The following TRPC4 variants were observed in gnomAD, a reference collection of about 807,000 sequenced individuals.
TRPC4 encodes short transient receptor potential channel 4.
TRPC4 carries 49 observed loss-of-function variants against 99.4 expected under a neutral mutation model. That is an observed-to-expected ratio of 0.49 (90% confidence interval 0.39 to 0.63). TRPC4 has a LOEUF of 0.63. Among genes scored for constraint, TRPC4 ranks in the 20% least tolerant of loss-of-function variants. The probability of loss-of-function intolerance (pLI) is 0.00; values close to 1 mark genes in which losing one functional copy is unlikely to be tolerated. For missense variants in TRPC4, 898 were observed against 1,152.9 expected, an observed-to-expected ratio of 0.78 and a Z score of 3.20; for synonymous variants, 454 against 425.9, an observed-to-expected ratio of 1.07 and a Z score of -0.81.
At position 37,637,013 on chromosome 13, in the gene TRPC4, G is replaced by C. The variant is rs1371435993; in HGVS notation, c.2824C>G (p.Pro942Ala). ...SEKVVVEDTV[P>A]IIPKEKHAKE... ...GCATGTTTCTCCTTTGGTATTATAGGAACCGTGTCCTCCACCACCACCTTC... is the reference window on the plus strand; with the variant it reads ...GCATGTTTCTCCTTTGGTATTATAGCAACCGTGTCCTCCACCACCACCTTC... Residue 942 changes from proline (P) to alanine (A), a missense_variant, in exon 11 of 11, where the codon CCT (proline) becomes GCT (alanine). Transcript: ENST00000379705. 1 of 1,613,598 alleles carries C rather than the reference G, an allele frequency of 6.2e-7. No individual in the cohort carries two copies.
chr13:37,655,581 G>T (rs963385624), intron 6 of TRPC4, among the ~76,000 whole-genome samples: 18 of 151,866 alleles, frequency 1.2e-4, no homozygotes, highest in African/African-American at 3.4e-4. Flanking sequence ...ACTGAGTTAA[G>T]AATGGTTTTC....
intron 1 of TRPC4, among the ~76,000 whole-genome samples, chr13:37,818,488 AG>A (rs1957926028): frequency 6.6e-6 from 1 of 152,168 alleles, no homozygotes; most frequent in Non-Finnish European, 1.5e-5. Context: ...ACTACTATAA[AG>A]ATACATGCAC....
intron 1 of TRPC4, among the ~76,000 whole-genome samples, chr13:37,785,721 T>A (rs1956953805): frequency 6.6e-6 from 1 of 152,078 alleles, no homozygotes; most frequent in South Asian, 2.1e-4. Context: ...GTTAATTTTA[T>A]TAATAATACT....
At chr13:37,669,564 C>T (rs1007088000) in intron 5 of TRPC4, among the ~76,000 whole-genome samples, 3 of 152,146 alleles carry the variant, frequency 2.0e-5, no homozygotes, top group African/African-American at 7.2e-5. Context: ...TTTTTATGCT[C>T]TGTCTTTGCA....
intron 6 of TRPC4, among the ~76,000 whole-genome samples, chr13:37,658,354 C>T (rs1335560480): frequency 6.6e-6 from 1 of 152,170 alleles, no homozygotes; most frequent in Non-Finnish European, 1.5e-5. Flanking sequence ...TATTGCTCAA[C>T]ATATGCTTTA....
intron 7 of TRPC4, among the ~76,000 whole-genome samples, chr13:37,652,316 C>T (rs925734033): frequency 2.6e-5 from 4 of 152,174 alleles, no homozygotes; most frequent in Non-Finnish European, 5.9e-5. Context: ...ATCATAAACA[C>T]GAACTCATAT....
chr13:37,749,471 G>A (rs188413966), intron 2 of TRPC4, among the ~76,000 whole-genome samples: 15 of 152,234 alleles, frequency 9.9e-5, no homozygotes, highest in East Asian at 7.8e-4. Flanking sequence ...GCTGGACTCC[G>A]TGGGGGACTC....
Position 37,855,337 on chromosome 13 carries a change from G to GATATATATATATATATATATATATAT in TRPC4, c.-28+14257_-28+14258insATATATATATATATATATATATATAT, listed in dbSNP as rs59525799. Reference sequence around the variant, plus strand: ...TACACATGTAGATATATACAATGTAGATATATATATATATATATATGCACC... The same window carrying GATATATATATATATATATATATATAT: ...TACACATGTAGATATATACAATGTAGATATATATATATATATATATATATATATATATATATATATATATATGCACC... On this transcript the variant is annotated intron_variant, in intron 1 of 10. Coordinates refer to ENST00000379705, the MANE Select transcript of TRPC4 (RefSeq NM_016179.4). 2.0e-3 allele frequency among the ~76,000 whole-genome samples: 270 copies of GATATATATATATATATATATATATAT among 136,402 alleles called. 2 individuals carry two copies. The highest frequency in any genetic ancestry group is 5.0e-3 in the African/African-American group (178 of 35,366). The allele number at this position is 136,402 out of a possible 152,430, so 89.5% of individuals were successfully genotyped here. A position where few individuals can be genotyped will look rare whatever the true frequency, so the allele number is the denominator to read the frequency against.
rs184588322 is a variant in TRPC4 at position 37,700,640 on chromosome 13, A to C, written c.898-8305T>G. 2.7e-3 allele frequency among the ~76,000 whole-genome samples: 412 copies of C among 152,338 alleles called. 4 individuals are homozygous for C. The highest frequency in any genetic ancestry group is 9.5e-3 in the African/African-American group (393 of 41,582). ...ATCAAGACCTATAGTTTTAGAAAAA[A>C]TTAAATTGTTCCAGACCTTAGAAAA... On this transcript the variant is annotated intron_variant, in intron 3 of 10. Coordinates refer to ENST00000379705, the MANE Select transcript of TRPC4 (RefSeq NM_016179.4).
chr13:37,746,605 C>G, intron 2 of TRPC4, 150 bp from the exon 3 acceptor site: 1 of 792,898 alleles, frequency 1.3e-6, no homozygotes, highest in Non-Finnish European at 1.8e-6. Context: ...GTCTTTTCCC[C>G]TACAAAAAGA....
chr13:37,637,158 T>C lies in TRPC4; in HGVS notation c.2679A>G (p.Ser893=), dbSNP rs559888954. 6.2e-7 allele frequency: 1 copy of C among 1,613,834 alleles called. No individual in the cohort carries two copies. Among genetic ancestry groups the C allele is most frequent in the South Asian group, 1.1e-5 (1 of 91,074 alleles). The change falls in exon 11 of 11, where the codon TCA becomes TCG. Residue 893 remains serine, a synonymous_variant. Coordinates refer to ENST00000379705, the MANE Select transcript of TRPC4 (RefSeq NM_016179.4). ...NIQLESRGLA[S]RGDLSIPGLS... The stretch of plus-strand genomic sequence containing the variant: ...GACCGGGAATGCTCAGGTCACCCCG[T>C]GAAGCTAATCCTCGAGATTCCAGTT...
At chr13:37,694,554 C>T (rs2138893506) in intron 3 of TRPC4, among the ~76,000 whole-genome samples, 1 of 152,066 alleles carries the variant, frequency 6.6e-6, no homozygotes, top group African/African-American at 2.4e-5. Flanking sequence ...GTAAAATTAC[C>T]TAAAAAAAAG....
At chr13:37,783,673 G>A (rs6563570) in intron 1 of TRPC4, among the ~76,000 whole-genome samples, 79,025 of 151,756 alleles carry the variant, frequency 0.52, 21,099 homozygotes, top group East Asian at 0.78. Context: ...AAAGTTTATC[G>A]TAATTATATA....
chr13:37,861,456 C>T (rs9594236), intron 1 of TRPC4, among the ~76,000 whole-genome samples: 8,687 of 151,602 alleles, frequency 0.057, 791 homozygotes, highest in African/African-American at 0.2. Context: ...GCAAGTTCTG[C>T]TTTAAGTTCT....
intron 2 of TRPC4, among the ~76,000 whole-genome samples, chr13:37,765,784 T>C (rs1956348165): frequency 6.6e-6 from 1 of 151,514 alleles, no homozygotes; most frequent in African/African-American, 2.4e-5. Flanking sequence ...TATTGTCTTT[T>C]GCTGATTTAT....
chr13:37,834,495 A>C (rs947748970), intron 1 of TRPC4, among the ~76,000 whole-genome samples: 2 of 152,156 alleles, frequency 1.3e-5, no homozygotes, highest in Admixed American at 6.5e-5. Flanking sequence ...TTTTCTATGA[A>C]CTCTAAACCA....
At chr13:37,768,668 ACACG>A (rs67330872) in intron 2 of TRPC4, among the ~76,000 whole-genome samples, 2,719 of 112,114 alleles carry the variant, frequency 0.024, 42 homozygotes, top group Middle Eastern at 0.042. Context: ...ATACGAACAC[ACACG>A]CACACACACA....
At chr13:37,763,628 A>G (rs563413024) in intron 2 of TRPC4, among the ~76,000 whole-genome samples, 7 of 151,798 alleles carry the variant, frequency 4.6e-5, no homozygotes, top group East Asian at 1.9e-4. Context: ...CCACCTGAGT[A>G]CAAGCATACA....
intron 3 of TRPC4, among the ~76,000 whole-genome samples, chr13:37,736,776 T>C (rs1407419713): frequency 6.6e-6 from 1 of 152,070 alleles, no homozygotes; most frequent in African/African-American, 2.4e-5. Flanking sequence ...TCACCCAGGC[T>C]GAAGTGTACT....
Sources: allele counts gnomAD v4.1 joint callset (sites outside exome capture counted in the v4.1 genomes callset), GRCh38; gene constraint gnomAD v4.1.1; transcripts MANE v1.5; gene names NCBI Gene and HGNC (gene_info 2026-07-23, HGNC 2026-07-21).